The following PCDHGA6 variants were observed in gnomAD, a reference collection of about 807,000 sequenced individuals.
PCDHGA6 encodes the protein protocadherin gamma subfamily A, 6.
A neutral mutation model predicts 60.6 loss-of-function variants in PCDHGA6; 41 were observed. That is an observed-to-expected ratio of 0.68 (90% CI 0.53 to 0.88). The LOEUF (loss-of-function observed/expected upper bound fraction) is 0.88. Among genes scored for constraint, PCDHGA6 ranks in the 40% least tolerant of loss-of-function variants. The pLI is 0.00. For missense variants in PCDHGA6, 1,312 were observed against 1,203.0 expected (o/e 1.09, Z -1.34); for synonymous variants, 594 against 524.4 (o/e 1.13, Z -1.81).
chr5:141,497,573 T>C (rs1231425210), intron 2 of PCDHGA6, among the ~76,000 whole-genome samples: 1 of 149,502 alleles, frequency 6.7e-6, no homozygotes, highest in South Asian at 2.1e-4. Context: ...AGAGTCTTGC[T>C]CTGTTGCCCA....
intron 1 of PCDHGA6, chr5:141,411,907 G>A (rs2095522781): frequency 1.3e-5 from 2 of 152,156 alleles, no homozygotes; most frequent in Non-Finnish European, 2.9e-5. Flanking sequence ...TATTGCCTTT[G>A]CACTCAGTCT....
chr5:141,455,759 A>G (rs1013283124), intron 1 of PCDHGA6, among the ~76,000 whole-genome samples: 4 of 152,300 alleles, frequency 2.6e-5, no homozygotes, highest in South Asian at 4.1e-4. Context: ...CCTGGCTCCT[A>G]GAGCCGGGGC....
intron 1 of PCDHGA6, chr5:141,422,758 A>AAC (rs748292321): frequency 6.2e-7 from 1 of 1,613,150 alleles, no homozygotes. Flanking sequence ...TATTAACTCC[A>AAC]ACACTGGTGT....
Position 141,376,285 on chromosome 5 carries a change from C to T in PCDHGA6, c.2202C>T (p.Ser734=), listed in dbSNP as rs1303749719. Residue 734 remains serine, a synonymous_variant, in exon 1 of 4, where the codon AGC becomes AGT. Coordinates refer to ENST00000517434, the MANE Select transcript of PCDHGA6 (RefSeq NM_018919.3). ...LLQASGGGLA[S]MPGSHFVGVE... is the part of the protein sequence containing the mutation. ...AGGCTTCGGGAGGTGGCTTAGCGAG[C>T]ATGCCCGGCTCGCACTTTGTGGGCG... 8 of 1,614,112 alleles carry T rather than the reference C, an allele frequency of 5.0e-6. No homozygotes were observed. Among genetic ancestry groups the T allele is most frequent in the Admixed American group, 1.7e-5 (1 of 60,018 alleles).
chr5:141,403,390 G>T (rs1471861396), intron 1 of PCDHGA6: 14 of 1,614,038 alleles, frequency 8.7e-6, no homozygotes, highest in African/African-American at 1.3e-5. Context: ...ACGAAATCGC[G>T]GTTCCTGGAG....
intron 1 of PCDHGA6, chr5:141,423,007 G>A: frequency 6.2e-7 from 1 of 1,614,242 alleles, no homozygotes; most frequent in Non-Finnish European, 8.5e-7. Flanking sequence ...CAAGGTGGTT[G>A]CGGTGGACAA....
intron 1 of PCDHGA6, among the ~76,000 whole-genome samples, chr5:141,444,203 C>A (rs2098425806): frequency 1.3e-5 from 1 of 79,180 alleles, no homozygotes; most frequent in Admixed American, 2.0e-4. Context: ...TGGAGTTTCA[C>A]TCTTGTTGCC....
rs1333419586 is a variant in PCDHGA6 at position 141,485,206 on chromosome 5, C to T, written c.2425-9601C>T. 1 of 1,614,116 alleles carries T rather than the reference C, an allele frequency of 6.2e-7. No individual in the cohort carries two copies. The highest frequency in any genetic ancestry group is 8.5e-7 in the Non-Finnish European group (1 of 1,179,946). ...GCAAGGTGAGAAGCTGGACAGAAAT[C>T]TGGCGGTGGGCTACCCTTTTGTTCC... On this transcript the variant is annotated intron_variant, in intron 1 of 3. Coordinates refer to ENST00000517434, the MANE Select transcript of PCDHGA6 (RefSeq NM_018919.3). The surrounding 1 kb of genome is among the most constrained non-coding windows in gnomAD (Gnocchi z 5.7).
At chr5:141,423,160 G>A (rs1272708122) in intron 1 of PCDHGA6, 16 of 1,613,046 alleles carry the variant, frequency 9.9e-6, no homozygotes, top group Non-Finnish European at 1.2e-5. Flanking sequence ...GAGCCTCGTG[G>A]TGGCCGTCCA....
intron 1 of PCDHGA6, among the ~76,000 whole-genome samples, chr5:141,460,934 G>GTA (rs2099001529): frequency 2.7e-5 from 4 of 149,622 alleles, no homozygotes; most frequent in African/African-American, 9.9e-5. Context: ...ATGTGTGTGT[G>GTA]TATATATATG....
chr5:141,501,509 C>T lies in PCDHGA6; in HGVS notation c.2484-3884C>T, dbSNP rs1046763108. 4.6e-5 allele frequency among the ~76,000 whole-genome samples: 7 copies of T among 152,080 alleles called. No individual in the cohort carries two copies. The South Asian group carries it at 6.2e-4, about 14-fold the overall frequency. On this transcript the variant is annotated intron_variant, in intron 2 of 3. Transcript: ENST00000517434. The stretch of plus-strand genomic sequence containing the variant: ...ATATCTGCTGCTGGGGCTCCAAGGC[C>T]TCCAAGCTGAAGCCCAGTACGTTGT...
At chr5:141,382,483 A>G (rs1778240323) in intron 1 of PCDHGA6, among the ~76,000 whole-genome samples, 1 of 152,250 alleles carries the variant, frequency 6.6e-6, no homozygotes, top group Non-Finnish European at 1.5e-5. Context: ...TAAGATTATC[A>G]AACACCGGTC....
At position 141,511,248 on chromosome 5, in the gene PCDHGA6, C is replaced by T; in HGVS notation, c.*75C>T. ...AGCTTCTCCTTACCTGCACCCAGGC[C>T]TCAGAGTTTCAGGGCTAACCCCCAG... On this transcript the variant is annotated 3_prime_UTR_variant, in exon 4 of 4. Transcript: ENST00000517434. 6.4e-7 allele frequency: 1 copy of T among 1,574,736 alleles called. No homozygotes were observed. The highest frequency in any genetic ancestry group is 8.6e-7 in the Non-Finnish European group (1 of 1,160,336).
intron 1 of PCDHGA6, chr5:141,392,833 GC>G (rs922844407): frequency 1.2e-6 from 2 of 1,604,258 alleles, no homozygotes; most frequent in Non-Finnish European, 1.7e-6. Context: ...CCACAGAGTC[GC>G]CCCAGACGCG....
At chr5:141,418,894 A>G (rs200182481) in intron 1 of PCDHGA6, 2 of 1,614,004 alleles carry the variant, frequency 1.2e-6, no homozygotes, top group East Asian at 4.5e-5. Context: ...ACAACAGCCC[A>G]GAAATAATCA....
chr5:141,415,443 C>T, intron 1 of PCDHGA6: 1 of 1,614,196 alleles, frequency 6.2e-7, no homozygotes, highest in Non-Finnish European at 8.5e-7. Context: ...TCCTGCAGAC[C>T]TATTCCCACG....
chr5:141,489,339 C>T lies in PCDHGA6; in HGVS notation c.2425-5468C>T. 6.2e-7 allele frequency: 1 copy of T among 1,608,828 alleles called. No individual in the cohort carries two copies. On this transcript the variant is annotated intron_variant, in intron 1 of 3. Transcript: ENST00000517434. The surrounding 1 kb of genome is among the most constrained non-coding windows in gnomAD (Gnocchi z 4.5). ...GCTGGGTGTCTGGGCAGCTTCGTTA[C>T]TCAGTGGTGGAGGAGTCTGAGCCGG...
chr5:141,477,263 G>A lies in PCDHGA6; in HGVS notation c.2425-17544G>A, dbSNP rs543767777. 1.4e-5 allele frequency: 23 copies of A among 1,614,192 alleles called. No individual in the cohort carries two copies. The highest frequency in any genetic ancestry group is 1.8e-5 in the Non-Finnish European group (21 of 1,180,046). On this transcript the variant is annotated intron_variant, in intron 1 of 3. Transcript: ENST00000517434. The surrounding 1 kb of genome is among the most constrained non-coding windows in gnomAD (Gnocchi z 4.9). The stretch of plus-strand genomic sequence containing the variant: ...CAGTGTGACTGACCTGGATGCTGGC[G>A]AGAACGGGCTGGTGACCTGCGAAGT...
rs776258973 is a variant in PCDHGA6, at chr5:141,489,877, A to G, written c.2425-4930A>G. 1.2e-6 allele frequency: 2 copies of G among 1,614,230 alleles called. No individual in the cohort carries two copies. The highest frequency in any genetic ancestry group is 2.2e-5 in the South Asian group (2 of 91,090). Reference sequence around the variant, plus strand: ...CCAGGCAAGACATCAGCTGGTGCTTACTGCTGTGGATGGGGGGACCCCAGC... The same window carrying G: ...CCAGGCAAGACATCAGCTGGTGCTTGCTGCTGTGGATGGGGGGACCCCAGC... On this transcript the variant is annotated intron_variant, in intron 1 of 3. Coordinates refer to ENST00000517434, the MANE Select transcript of PCDHGA6 (RefSeq NM_018919.3). This position sits in a 1 kb window ranked among gnomAD's most constrained non-coding sequence, Gnocchi z 4.5.
Sources: gnomAD v4.1 joint callset for allele counts (sites outside exome capture counted in the v4.1 genomes callset) on GRCh38, gnomAD v4.1.1 for gene constraint, Gnocchi (gnomAD v3.1) non-coding constraint, MANE v1.5 for transcripts, NCBI Gene and HGNC (gene_info 2026-07-23, HGNC 2026-07-21) for gene names.